TAF3: variants seen among roughly 807,000 people sequenced by gnomAD.
TAF3 encodes transcription initiation factor TFIID subunit 3.
In TAF3, 7 loss-of-function variants were observed where a neutral mutation model predicts 80.6. The observed-to-expected ratio is 0.09, with a 90% confidence interval of 0.05 to 0.16. TAF3 has a LOEUF of 0.16. Among genes scored for constraint, TAF3 ranks in the 10% least tolerant of loss-of-function variants. The pLI, the probability that TAF3 is intolerant of heterozygous loss-of-function variation, is 1.00. For synonymous variants in TAF3, 444 were observed against 446.1 expected (o/e 1.00, Z 0.06); for missense variants, 921 against 1,140.2 (o/e 0.81, Z 2.77).
intron 4 of TAF3, among the ~76,000 whole-genome samples, chr10:8,004,693 C>A (rs1831975507): frequency 6.6e-6 from 1 of 152,124 alleles, no homozygotes. Context: ...TTCCCTCTAG[C>A]TGCCTTTCAG....
chr10:7,997,078 C>T (rs1831897212), intron 4 of TAF3, among the ~76,000 whole-genome samples: 1 of 152,104 alleles, frequency 6.6e-6, no homozygotes, highest in African/African-American at 2.4e-5. Context: ...AAACTGAAAT[C>T]TGAAGAAGAA....
intron 2 of TAF3, among the ~76,000 whole-genome samples, chr10:7,866,276 T>C (rs1379806098): frequency 1.3e-5 from 2 of 152,198 alleles, no homozygotes; most frequent in African/African-American, 2.4e-5. Context: ...CAGGCTCTGC[T>C]TCCATGGTGC....
At chr10:7,973,803 T>C (rs912663953) in intron 3 of TAF3, among the ~76,000 whole-genome samples, 3 of 152,218 alleles carry the variant, frequency 2.0e-5, no homozygotes, top group African/African-American at 7.2e-5. Context: ...TGTTTTCAGA[T>C]TTGTTTAGAT....
intron 2 of TAF3, among the ~76,000 whole-genome samples, chr10:7,863,630 T>A (rs868069207): frequency 0.042 from 3,143 of 75,032 alleles, 389 homozygotes; most frequent in African/African-American, 0.099. Flanking sequence ...AAAAAAAATA[T>A]ATATATATAT....
At chr10:7,981,083 A>G (rs1262330132) in intron 4 of TAF3, among the ~76,000 whole-genome samples, 1 of 152,232 alleles carries the variant, frequency 6.6e-6, no homozygotes, top group Non-Finnish European at 1.5e-5. Context: ...AAATTCAGGT[A>G]AAGGAGCTTT....
chr10:7,845,290 G>A (rs900075212), intron 2 of TAF3, among the ~76,000 whole-genome samples: 2 of 150,992 alleles, frequency 1.3e-5, no homozygotes, highest in Admixed American at 6.6e-5. Context: ...TTTTTTTGAC[G>A]CCGCCCTCCA....
At chr10:8,001,345 T>G (rs1831941791) in intron 4 of TAF3, among the ~76,000 whole-genome samples, 1 of 152,220 alleles carries the variant, frequency 6.6e-6, no homozygotes. Flanking sequence ...TTTATATCTT[T>G]GATTACTATG....
chr10:7,893,648 G>A (rs969636982), intron 2 of TAF3, among the ~76,000 whole-genome samples: 2 of 152,094 alleles, frequency 1.3e-5, no homozygotes, highest in African/African-American at 4.8e-5. Flanking sequence ...CTTCTGCCCT[G>A]ACTCTTGCCA....
At chr10:7,972,429 A>T (rs1460401320) in intron 3 of TAF3, among the ~76,000 whole-genome samples, 2 of 152,214 alleles carry the variant, frequency 1.3e-5, no homozygotes, top group Non-Finnish European at 2.9e-5. Context: ...GTATTTAAGT[A>T]GTTTTTAGAT....
chr10:7,972,085 C>G (rs1831628186), intron 3 of TAF3, among the ~76,000 whole-genome samples: 1 of 152,094 alleles, frequency 6.6e-6, no homozygotes, highest in African/African-American at 2.4e-5. Flanking sequence ...TTATTTTAAC[C>G]CTTAAAAGCT....
chr10:7,940,547 G>T (rs556310252), intron 2 of TAF3, among the ~76,000 whole-genome samples: 1 of 152,180 alleles, frequency 6.6e-6, no homozygotes, highest in Non-Finnish European at 1.5e-5. Flanking sequence ...AGAAACAGCC[G>T]TGGAGATTTG....
intron 2 of TAF3, among the ~76,000 whole-genome samples, chr10:7,952,255 T>G (rs1838089343): frequency 6.6e-6 from 1 of 152,174 alleles, no homozygotes; most frequent in Admixed American, 6.5e-5. Flanking sequence ...CTACTTGTAT[T>G]TATTTCTTGC....
At chr10:8,013,640 T>G in intron 5 of TAF3, 91 bp from the exon 6 acceptor site, 1 of 987,298 alleles carries the variant, frequency 1.0e-6, no homozygotes. Flanking sequence ...TTTATTCGGT[T>G]AACAGTATAA....
At chr10:8,012,548 C>T (rs914492333) in intron 5 of TAF3, among the ~76,000 whole-genome samples, 6 of 152,196 alleles carry the variant, frequency 3.9e-5, no homozygotes, top group African/African-American at 4.8e-5. Flanking sequence ...ACTGGCCACA[C>T]GTGGGAGCTT....
intron 2 of TAF3, among the ~76,000 whole-genome samples, chr10:7,838,223 A>G (rs191195964): frequency 2.6e-5 from 4 of 152,204 alleles, no homozygotes. Flanking sequence ...GATCCTACAC[A>G]AGGAACTGGT....
chr10:7,821,155 G>A (rs759221375), intron 1 of TAF3, among the ~76,000 whole-genome samples: 7 of 152,076 alleles, frequency 4.6e-5, no homozygotes, highest in East Asian at 1.9e-4. Context: ...CCAAGTTTCC[G>A]TAGCCAGTTT....
chr10:8,000,056 C>T (rs539610043), intron 4 of TAF3, among the ~76,000 whole-genome samples: 1 of 152,280 alleles, frequency 6.6e-6, no homozygotes, highest in African/African-American at 2.4e-5. Flanking sequence ...TAACTCAAGC[C>T]ATCCTTAAAA....
intron 2 of TAF3, among the ~76,000 whole-genome samples, chr10:7,831,089 A>G (rs1293634346): frequency 1.3e-5 from 2 of 152,206 alleles, no homozygotes; most frequent in Non-Finnish European, 2.9e-5. Flanking sequence ...TAATGATAAT[A>G]CTATCACTTT....
chr10:7,889,290 TA>T (rs1837437987), intron 2 of TAF3, among the ~76,000 whole-genome samples: 2 of 152,180 alleles, frequency 1.3e-5, no homozygotes, highest in Non-Finnish European at 2.9e-5. Flanking sequence ...ATCTCAGCTG[TA>T]CAGATATCTT....
Sources: gnomAD v4.1 joint callset for allele counts (sites outside exome capture counted in the v4.1 genomes callset) on GRCh38, gnomAD v4.1.1 for gene constraint, MANE v1.5 for transcripts, NCBI Gene and HGNC (gene_info 2026-07-23, HGNC 2026-07-21) for gene names.